WWOX: variants seen among roughly 807,000 people sequenced by gnomAD.
The protein encoded by WWOX is WW domain-containing oxidoreductase.
In WWOX, 69 loss-of-function variants were observed where a neutral mutation model predicts 46.2. That is an observed-to-expected ratio of 1.49 (90% confidence interval 1.23 to 1.82). The LOEUF (loss-of-function observed/expected upper bound fraction) is 1.82, where lower values mean the gene tolerates loss of function less well. Among genes scored for constraint, WWOX ranks in the 40% most tolerant of loss-of-function variants. The pLI is 0.00. For missense variants in WWOX, 919 were observed against 542.6 expected (o/e 1.69, Z -6.89); for synonymous variants, 359 against 202.6 (o/e 1.77, Z -6.56).
chr16:79,102,995 T>TTCTCCTCATCCTCTTCTTCCC (rs1397044342), intron 8 of WWOX, among the ~76,000 whole-genome samples: 2 of 152,154 alleles, frequency 1.3e-5, no homozygotes, highest in Non-Finnish European at 2.9e-5. Context: ...CTCTTCTCCT[T>TTCTCCTCATCCTCTTCTTCCC]TCTCCTCATC....
intron 6 of WWOX, among the ~76,000 whole-genome samples, chr16:78,414,842 G>C (rs1280308415): frequency 6.6e-6 from 1 of 152,060 alleles, no homozygotes; most frequent in East Asian, 1.9e-4. Context: ...CCATGCCCAG[G>C]AATGACCAAA....
chr16:79,196,178 G>T (rs906637715), intron 8 of WWOX, among the ~76,000 whole-genome samples: 10 of 152,150 alleles, frequency 6.6e-5, no homozygotes, highest in Admixed American at 3.9e-4. Flanking sequence ...TTCACCTGTT[G>T]GTGAACAGTG....
At chr16:78,683,016 A>T (rs2047765925) in intron 8 of WWOX, among the ~76,000 whole-genome samples, 2 of 152,276 alleles carry the variant, frequency 1.3e-5, no homozygotes, top group African/African-American at 4.8e-5. Flanking sequence ...ATGAATCTGT[A>T]GGCTGCTGTG....
chr16:78,749,207 C>A (rs1031224053), intron 8 of WWOX, among the ~76,000 whole-genome samples: 1 of 152,232 alleles, frequency 6.6e-6, no homozygotes, highest in African/African-American at 2.4e-5. Context: ...CCATGCATCA[C>A]ACACAGACTA....
At chr16:78,774,255 G>T (rs532573995) in intron 8 of WWOX, among the ~76,000 whole-genome samples, 1 of 152,122 alleles carries the variant, frequency 6.6e-6, no homozygotes, top group Non-Finnish European at 1.5e-5. Context: ...ACAAAAATTA[G>T]CTGGGCGTGG....
intron 8 of WWOX, among the ~76,000 whole-genome samples, chr16:78,634,947 A>G (rs1430612116): frequency 6.6e-6 from 1 of 151,636 alleles, no homozygotes; most frequent in Non-Finnish European, 1.5e-5. Context: ...AGGAGGAGGG[A>G]AAGGGTCCAG....
intron 8 of WWOX, among the ~76,000 whole-genome samples, chr16:79,121,160 C>A (rs559582170): frequency 1.3e-5 from 2 of 152,178 alleles, no homozygotes; most frequent in Admixed American, 1.3e-4. Context: ...TTTACTCACA[C>A]CTGCGTATAC....
chr16:78,461,947 G>A (rs934272206), intron 8 of WWOX, among the ~76,000 whole-genome samples: 1 of 152,226 alleles, frequency 6.6e-6, no homozygotes, highest in South Asian at 2.1e-4. Context: ...GCTAGAGCCA[G>A]CAGTATCCCA....
chr16:78,205,730 T>G (rs2151781282), intron 5 of WWOX, among the ~76,000 whole-genome samples: 1 of 152,188 alleles, frequency 6.6e-6, no homozygotes, highest in East Asian at 1.9e-4. Flanking sequence ...CTTCCTTCGT[T>G]GTTTTCTTCC....
At chr16:78,311,469 C>T (rs1031267571) in intron 5 of WWOX, among the ~76,000 whole-genome samples, 2 of 152,334 alleles carry the variant, frequency 1.3e-5, no homozygotes, top group African/African-American at 4.8e-5. Flanking sequence ...CTGAAGCAGA[C>T]ACTGATTCCT....
At chr16:78,624,242 C>G (rs569866760) in intron 8 of WWOX, among the ~76,000 whole-genome samples, 1 of 143,086 alleles carries the variant, frequency 7.0e-6, no homozygotes, top group Non-Finnish European at 1.5e-5. Flanking sequence ...ATGTTCCCTT[C>G]GGAAAACTCC....
At chr16:78,427,136 C>T (rs1567566798) in intron 7 of WWOX, among the ~76,000 whole-genome samples, 1 of 152,146 alleles carries the variant, frequency 6.6e-6, no homozygotes, top group African/African-American at 2.4e-5. Context: ...CTAAACCATG[C>T]TGTAAAATGC....
intron 8 of WWOX, among the ~76,000 whole-genome samples, chr16:79,052,495 C>A (rs533819345): frequency 7.9e-5 from 12 of 152,174 alleles, no homozygotes; most frequent in African/African-American, 2.4e-4. Context: ...ATGTTTATTG[C>A]GGCATTATTC....
intron 8 of WWOX, among the ~76,000 whole-genome samples, chr16:78,808,411 A>C (rs1387406755): frequency 6.6e-6 from 1 of 152,220 alleles, no homozygotes; most frequent in African/African-American, 2.4e-5. Flanking sequence ...AATATGGGTA[A>C]ATGCTATTGG....
At chr16:78,932,135 AC>A (rs1399575822) in intron 8 of WWOX, among the ~76,000 whole-genome samples, 1 of 152,200 alleles carries the variant, frequency 6.6e-6, no homozygotes, top group African/African-American at 2.4e-5. Context: ...ATGAGAACAA[AC>A]TAATACACCA....
intron 8 of WWOX, among the ~76,000 whole-genome samples, chr16:78,622,576 T>G (rs1420275961): frequency 1.3e-5 from 2 of 151,206 alleles, no homozygotes; most frequent in Non-Finnish European, 1.5e-5. Context: ...TGTAGTTTCT[T>G]CCTCTGTTTG....
At chr16:78,772,136 C>T (rs1183299935) in intron 8 of WWOX, among the ~76,000 whole-genome samples, 1 of 152,254 alleles carries the variant, frequency 6.6e-6, no homozygotes, top group East Asian at 1.9e-4. Flanking sequence ...ATTATTTCAT[C>T]ACCCAGGTAA....
At chr16:78,335,086 G>T (rs779873450) in intron 5 of WWOX, among the ~76,000 whole-genome samples, 2 of 152,152 alleles carry the variant, frequency 1.3e-5, no homozygotes, top group Non-Finnish European at 2.9e-5. Context: ...CACACATAAT[G>T]AATCAGAAGC....
At chr16:78,692,275 A>G (rs1391941079) in intron 8 of WWOX, among the ~76,000 whole-genome samples, 1 of 152,222 alleles carries the variant, frequency 6.6e-6, no homozygotes, top group African/African-American at 2.4e-5. Flanking sequence ...ATGGAAGAGA[A>G]GCAACAACTT....
Sources: allele counts gnomAD v4.1 joint callset (sites outside exome capture counted in the v4.1 genomes callset), GRCh38; gene constraint gnomAD v4.1.1; transcripts MANE v1.5; gene names NCBI Gene and HGNC (gene_info 2026-07-23, HGNC 2026-07-21).